Variants in DCC observed in about 807,000 individuals in gnomAD.
DCC encodes the protein netrin receptor DCC.
In DCC, 58 loss-of-function variants were observed where a neutral mutation model predicts 172.5. That is an observed-to-expected ratio of 0.34 (90% CI 0.27 to 0.42). The LOEUF (loss-of-function observed/expected upper bound fraction) is 0.42. Ranked by LOEUF, DCC falls within the 10% of genes least tolerant of loss-of-function variation. The pLI, the probability that DCC is intolerant of heterozygous loss-of-function variation, is 1.00. For synonymous variants in DCC, 709 were observed against 644.5 expected (o/e 1.10, Z -1.52); for missense variants, 1,740 against 1,791.0 (o/e 0.97, Z 0.51).
intron 5 of DCC, among the ~76,000 whole-genome samples, chr18:52,928,942 C>T (rs1390819316): frequency 6.6e-6 from 1 of 152,054 alleles, no homozygotes; most frequent in Non-Finnish European, 1.5e-5. Flanking sequence ...AGCACTTGCT[C>T]TCTTTGGTCA....
At chr18:52,436,277 C>T (rs1201614617) in intron 1 of DCC, among the ~76,000 whole-genome samples, 1 of 152,242 alleles carries the variant, frequency 6.6e-6, no homozygotes, top group Non-Finnish European at 1.5e-5. Flanking sequence ...AAAGCCTGCT[C>T]CCATGTTTAC....
At chr18:53,429,010 AT>A (rs1393788815) in intron 21 of DCC, among the ~76,000 whole-genome samples, 2 of 74,106 alleles carry the variant, frequency 2.7e-5, no homozygotes, top group African/African-American at 1.2e-4. Context: ...TATAATATAT[AT>A]TTTATATATT....
At chr18:53,529,085 T>C (rs906593772) in intron 28 of DCC, among the ~76,000 whole-genome samples, 4 of 110,178 alleles carry the variant, frequency 3.6e-5, no homozygotes, top group African/African-American at 6.2e-5. Flanking sequence ...CACACACACA[T>C]TGTATGTATA....
chr18:53,390,612 C>G (rs1457913991), intron 16 of DCC, among the ~76,000 whole-genome samples: 3 of 152,078 alleles, frequency 2.0e-5, no homozygotes, highest in Non-Finnish European at 4.4e-5. Flanking sequence ...GTGTAAATGT[C>G]TTAAGTACAA....
chr18:52,754,448 G>A (rs1226908738), intron 2 of DCC, among the ~76,000 whole-genome samples: 1 of 152,154 alleles, frequency 6.6e-6, no homozygotes, highest in Admixed American at 6.5e-5. Flanking sequence ...CCTCATGAAT[G>A]TGATTAGTGC....
chr18:52,711,186 T>C (rs2145055363), intron 1 of DCC, among the ~76,000 whole-genome samples: 1 of 152,322 alleles, frequency 6.6e-6, no homozygotes, highest in Admixed American at 6.5e-5. Flanking sequence ...TTCTGTCTCC[T>C]TATTGGACGA....
chr18:53,385,299 C>T (rs1290994223), intron 15 of DCC, among the ~76,000 whole-genome samples: 1 of 151,982 alleles, frequency 6.6e-6, no homozygotes, highest in Non-Finnish European at 1.5e-5. Flanking sequence ...GTGTTGTAAA[C>T]AAATAAACAG....
chr18:52,481,643 G>T (rs961984792), intron 1 of DCC, among the ~76,000 whole-genome samples: 1 of 151,960 alleles, frequency 6.6e-6, no homozygotes, highest in African/African-American at 2.4e-5. Flanking sequence ...TAAACAGCCT[G>T]TCCAGATTCC....
chr18:53,228,508 T>C (rs986625309), intron 12 of DCC, among the ~76,000 whole-genome samples: 2 of 152,118 alleles, frequency 1.3e-5, no homozygotes, highest in African/African-American at 2.4e-5. Flanking sequence ...CTTCTATGAA[T>C]GTCAGCAATC....
chr18:53,174,450 G>T (rs1178446229), intron 8 of DCC, among the ~76,000 whole-genome samples: 1 of 149,848 alleles, frequency 6.7e-6, no homozygotes, highest in Non-Finnish European at 1.5e-5. Context: ...AAGAAAAAAA[G>T]AGAGAAGAAT....
intron 1 of DCC, among the ~76,000 whole-genome samples, chr18:52,462,211 C>T (rs572808000): frequency 3.6e-4 from 55 of 152,254 alleles, no homozygotes; most frequent in African/African-American, 1.3e-3. Flanking sequence ...CTCTTGGCTT[C>T]TACCTTTGGC....
At chr18:52,354,703 C>T (rs538056154) in intron 1 of DCC, among the ~76,000 whole-genome samples, 110 of 152,218 alleles carry the variant, frequency 7.2e-4, no homozygotes, top group African/African-American at 2.6e-3. Flanking sequence ...AATGATTATT[C>T]TCAAATTTGC....
intron 2 of DCC, among the ~76,000 whole-genome samples, chr18:52,821,742 G>A (rs946894183): frequency 6.6e-6 from 1 of 152,182 alleles, no homozygotes; most frequent in African/African-American, 2.4e-5. Context: ...GTTTGCTTGT[G>A]TGTTGCCCTT....
chr18:53,335,989 C>T (rs780476032), intron 14 of DCC, among the ~76,000 whole-genome samples: 11 of 152,126 alleles, frequency 7.2e-5, no homozygotes, highest in Non-Finnish European at 1.3e-4. Context: ...TACCTCCCAA[C>T]GGGTACCTCC....
intron 3 of DCC, among the ~76,000 whole-genome samples, chr18:52,920,977 T>C (rs896771515): frequency 3.9e-5 from 6 of 152,148 alleles, no homozygotes; most frequent in Admixed American, 3.3e-4. Flanking sequence ...AAGGTACAAC[T>C]ATAGAAATAG....
rs1054611854 is a variant in DCC, at chr18:52,943,738, G to T, written c.985+18368G>T. Among the ~76,000 whole-genome samples, 25 of 81,532 alleles carry T rather than the reference G, an allele frequency of 3.1e-4. No homozygotes were observed. The South Asian group carries it at 3.5e-3, about 11-fold the overall frequency. The allele number at this position is 81,532 out of a possible 152,430, so 53.5% of individuals were successfully genotyped here. A position where few individuals can be genotyped will look rare whatever the true frequency, so the allele number is the denominator to read the frequency against. On this transcript the variant is annotated intron_variant, in intron 5 of 28. Coordinates refer to ENST00000442544, the MANE Select transcript of DCC (RefSeq NM_005215.4). ...TTTTCCAAAGGACTGGCAATTTATG[G>T]TTTTTTTTTTTGTTTGTTTTGTTTT...
chr18:52,633,438 TG>T (rs1459642415), intron 1 of DCC, among the ~76,000 whole-genome samples: 1 of 152,188 alleles, frequency 6.6e-6, no homozygotes, highest in East Asian at 1.9e-4. Flanking sequence ...AATAAGGAGT[TG>T]TCACCTTACC....
At chr18:53,465,147 A>G (rs2045605580) in intron 24 of DCC, among the ~76,000 whole-genome samples, 1 of 151,978 alleles carries the variant, frequency 6.6e-6, no homozygotes, top group Non-Finnish European at 1.5e-5. Context: ...AGTCTGTTGT[A>G]TTTAATTGAT....
rs546399067 is a variant in DCC, at chr18:53,450,419, C to A, written c.3230-81C>A. 28 of 1,518,958 alleles carry A rather than the reference C, an allele frequency of 1.8e-5. No individual in the cohort carries two copies. In the African/African-American group the frequency reaches 2.5e-4, roughly 13 times the overall value. The allele number at this position is 1,518,958 out of a possible 1,614,324, so 94.1% of individuals were successfully genotyped here. A position where few individuals can be genotyped will look rare whatever the true frequency, so the allele number is the denominator to read the frequency against. ...TCAGAAAAGCCCAGAACATTAGGAA[C>A]TTTGTATATCCCAAGAGAGCTTGGT... On this transcript the variant is annotated intron_variant, in intron 22 of 28. Transcript: ENST00000442544.
Sources: gnomAD v4.1 joint callset for allele counts (sites outside exome capture counted in the v4.1 genomes callset) on GRCh38, gnomAD v4.1.1 for gene constraint, MANE v1.5 for transcripts, NCBI Gene and HGNC (gene_info 2026-07-23, HGNC 2026-07-21) for gene names.